Variants in PTPRT observed in about 807,000 individuals in gnomAD.
PTPRT encodes protein tyrosine phosphatase receptor type T.
PTPRT carries 56 observed loss-of-function variants against 176.8 expected under a neutral mutation model. The ratio of observed to expected loss-of-function variants is 0.32; its 90% CI spans 0.26 to 0.40. The LOEUF is 0.40. Among genes scored for constraint, PTPRT ranks in the 10% least tolerant of loss-of-function variants. The probability of loss-of-function intolerance (pLI) is 1.00; values close to 1 mark genes in which losing one functional copy is unlikely to be tolerated. For synonymous variants in PTPRT, 783 were observed against 739.0 expected (o/e 1.06, Z -0.96); for missense variants, 1,540 against 1,908.2 (o/e 0.81, Z 3.60).
At chr20:42,265,688 C>T (rs1004605845) in intron 13 of PTPRT, among the ~76,000 whole-genome samples, 3 of 152,164 alleles carry the variant, frequency 2.0e-5, no homozygotes, top group Admixed American at 6.5e-5. Context: ...CTCACACCAT[C>T]TGTCAACCCC....
Position 43,185,992 on chromosome 20 carries a change from A to G in PTPRT, c.88+3654T>C, listed in dbSNP as rs543278283. On this transcript the variant is annotated intron_variant, in intron 1 of 30. Transcript: ENST00000373187. ...CCAGCCATCTCATGGCCAGTTCACT[A>G]TTTAGCATAAGACTGATGCCCCACC... Among the ~76,000 whole-genome samples, 19 of 152,004 alleles carry G rather than the reference A, an allele frequency of 1.2e-4. No homozygotes were observed. The East Asian group carries it at 1.9e-3, about 15-fold the overall frequency.
At chr20:42,734,164 C>T (rs1401282165) in intron 6 of PTPRT, among the ~76,000 whole-genome samples, 2 of 152,166 alleles carry the variant, frequency 1.3e-5, no homozygotes. Flanking sequence ...TGGTTGGCCC[C>T]ATCCCTCTGG....
chr20:42,180,875 C>T (rs1054250369), intron 16 of PTPRT, among the ~76,000 whole-genome samples: 5 of 152,218 alleles, frequency 3.3e-5, no homozygotes, highest in African/African-American at 9.6e-5. Flanking sequence ...GTAGTAGGAT[C>T]ATATGCAAGA....
chr20:42,752,981 G>A lies in PTPRT; in HGVS notation c.859+3481C>T, dbSNP rs561802444. On this transcript the variant is annotated intron_variant, in intron 6 of 30. Transcript: ENST00000373187. ...ACTCTTTAGCAGTGTGTTTGGGGTC[G>A]GGGCAGGGGGTGAGGGTAGGTTAAA... 1.6e-4 allele frequency among the ~76,000 whole-genome samples: 25 copies of A among 152,198 alleles called. No homozygotes were observed. In the East Asian group the frequency reaches 4.6e-3, roughly 28 times the overall value.
chr20:42,787,916 A>G (rs2077315343), intron 3 of PTPRT, among the ~76,000 whole-genome samples: 1 of 152,194 alleles, frequency 6.6e-6, no homozygotes, highest in Non-Finnish European at 1.5e-5. Context: ...TATAAAATAC[A>G]GAAGATATGC....
At chr20:43,131,272 G>A (rs2013638423) in intron 1 of PTPRT, among the ~76,000 whole-genome samples, 1 of 152,108 alleles carries the variant, frequency 6.6e-6, no homozygotes, top group African/African-American at 2.4e-5. Context: ...AGGTGTCCTC[G>A]GATCCTTCCA....
At chr20:42,410,833 G>A (rs2059008126) in intron 9 of PTPRT, among the ~76,000 whole-genome samples, 1 of 152,184 alleles carries the variant, frequency 6.6e-6, no homozygotes, top group Non-Finnish European at 1.5e-5. Context: ...ATGGATCAAA[G>A]AGTAAATCAC....
At chr20:42,835,337 G>A (rs574190275) in intron 2 of PTPRT, among the ~76,000 whole-genome samples, 1 of 152,336 alleles carries the variant, frequency 6.6e-6, no homozygotes, top group South Asian at 2.1e-4. Flanking sequence ...AATGAGGAAA[G>A]AGATGTAATC....
At chr20:42,600,883 A>G (rs1245432624) in intron 7 of PTPRT, among the ~76,000 whole-genome samples, 1 of 152,124 alleles carries the variant, frequency 6.6e-6, no homozygotes, top group African/African-American at 2.4e-5. Flanking sequence ...TGGTTTCATG[A>G]TTTTGCTATT....
chr20:43,103,771 A>ATAATAATAATAATAATAATAATAG (rs2146329412), intron 1 of PTPRT, among the ~76,000 whole-genome samples: 1 of 150,850 alleles, frequency 6.6e-6, no homozygotes, highest in South Asian at 2.1e-4. Context: ...AATAATAATA[A>ATAATAATAATAATAATAATAATAG]TAATAACTAA....
At position 42,389,687 on chromosome 20, in the gene PTPRT, C is replaced by T. The variant is rs115664163; in HGVS notation, c.1561-37402G>A. Among the ~76,000 whole-genome samples, 1,180 of 151,618 alleles carry T rather than the reference C, an allele frequency of 7.8e-3. 21 individuals carry two copies. Among genetic ancestry groups the T allele is most frequent in the African/African-American group, 0.027 (1,132 of 41,320 alleles). Reference sequence around the variant, plus strand: ...GGGCAACACAATGAGACCCTGTCACCACAAAAAAATTAAGAAATACAGCTG... The same window carrying T: ...GGGCAACACAATGAGACCCTGTCACTACAAAAAAATTAAGAAATACAGCTG... On this transcript the variant is annotated intron_variant, in intron 9 of 30. Coordinates refer to ENST00000373187, the MANE Select transcript of PTPRT (RefSeq NM_007050.6).
intron 1 of PTPRT, among the ~76,000 whole-genome samples, chr20:43,158,472 A>C (rs1274087229): frequency 6.6e-6 from 1 of 152,236 alleles, no homozygotes; most frequent in African/African-American, 2.4e-5. Context: ...AAGGTCTTTA[A>C]TGCAATATTT....
At chr20:42,139,614 C>T (rs1348117149) in intron 18 of PTPRT, among the ~76,000 whole-genome samples, 1 of 152,248 alleles carries the variant, frequency 6.6e-6, no homozygotes, top group Non-Finnish European at 1.5e-5. Flanking sequence ...GATTTGCAGG[C>T]TGCCTGTGCC....
rs569927896 is a variant in PTPRT at position 42,985,121 on chromosome 20, T to G, written c.89-99189A>C. Reference sequence around the variant, plus strand: ...GAAGTTGCAATGGGGGTCAGGACTTTGAAGAGCAGGTTCAAGAGCCTGGAT... The same window carrying G: ...GAAGTTGCAATGGGGGTCAGGACTTGGAAGAGCAGGTTCAAGAGCCTGGAT... On this transcript the variant is annotated intron_variant, in intron 1 of 30. Transcript: ENST00000373187. Among the ~76,000 whole-genome samples the G allele has an allele frequency of 7.2e-5, 11 of 152,224 alleles. No homozygotes were observed. The East Asian group carries it at 2.1e-3, about 29-fold the overall frequency.
intron 1 of PTPRT, among the ~76,000 whole-genome samples, chr20:43,053,481 T>C (rs899913671): frequency 6.6e-6 from 1 of 152,050 alleles, no homozygotes; most frequent in Non-Finnish European, 1.5e-5. Flanking sequence ...ATTAAAGCAA[T>C]CCCCATCACA....
intron 1 of PTPRT, among the ~76,000 whole-genome samples, chr20:43,151,322 A>C (rs1330465108): frequency 1.5e-4 from 22 of 151,328 alleles, no homozygotes; most frequent in Non-Finnish European, 1.8e-4. Flanking sequence ...TCAAACAAAA[A>C]AAAAAAAAAA....
chr20:42,663,988 A>T (rs1014194804), intron 7 of PTPRT, among the ~76,000 whole-genome samples: 2 of 152,232 alleles, frequency 1.3e-5, no homozygotes, highest in African/African-American at 4.8e-5. Flanking sequence ...AAAAATTAGC[A>T]AATTGTCCTC....
At position 42,369,931 on chromosome 20, in the gene PTPRT, A is replaced by T. The variant is rs538332705; in HGVS notation, c.1561-17646T>A. 5.3e-5 allele frequency among the ~76,000 whole-genome samples: 8 copies of T among 152,302 alleles called. No individual in the cohort carries two copies. The East Asian group carries it at 5.8e-4, about 11-fold the overall frequency. ...AACATCTCACCTAAGTGAACACCTC[A>T]TCTGGATCTTCAATCTTTTCCTTGC... On this transcript the variant is annotated intron_variant, in intron 9 of 30. Transcript: ENST00000373187.
intron 7 of PTPRT, among the ~76,000 whole-genome samples, chr20:42,547,763 G>A (rs747301245): frequency 6.6e-6 from 1 of 151,968 alleles, no homozygotes; most frequent in Non-Finnish European, 1.5e-5. Flanking sequence ...AGAATGAGGT[G>A]TAAATATTAG....
Sources: gnomAD v4.1 joint callset for allele counts (sites outside exome capture counted in the v4.1 genomes callset) on GRCh38, gnomAD v4.1.1 for gene constraint, MANE v1.5 for transcripts, NCBI Gene and HGNC (gene_info 2026-07-23, HGNC 2026-07-21) for gene names.